Variants in MIDN observed in about 807,000 individuals in gnomAD.
MIDN encodes midbrain nucleolar protein.
In MIDN, 26 loss-of-function variants were observed where a neutral mutation model predicts 46.1. The observed-to-expected ratio is 0.56, with a 90% confidence interval of 0.41 to 0.78. The LOEUF is 0.78. MIDN is among the 30% of genes least tolerant of loss of function. The pLI is 0.00. For missense variants in MIDN, 850 were observed against 771.8 expected, an observed-to-expected ratio of 1.10 and a Z score of -1.20; for synonymous variants, 432 against 343.3, an observed-to-expected ratio of 1.26 and a Z score of -2.86.
rs1217303196 is a variant in MIDN at position 1,257,389 on chromosome 19, A to G, written c.*117A>G. On this transcript the variant is annotated 3_prime_UTR_variant, in exon 9 of 9. Transcript: ENST00000682408. Reference sequence around the variant, plus strand: ...AGGGCAGGCGGCCACTCCCCCAGCCAGAAGTCTTTTTTTCTTTTCTTCTTT... The same window carrying G: ...AGGGCAGGCGGCCACTCCCCCAGCCGGAAGTCTTTTTTTCTTTTCTTCTTT... 5.3e-6 allele frequency: 4 copies of G among 755,816 alleles called. No individual in the cohort carries two copies. Among genetic ancestry groups the G allele is most frequent in the Non-Finnish European group, 8.8e-6 (4 of 455,012 alleles). 46.8% of individuals were successfully genotyped at this position (755,816 alleles called of 1,614,324 possible).
At chr19:1,255,844 G>A (rs572661468) in intron 8 of MIDN, 150 bp downstream of exon 8, 25 of 749,682 alleles carry the variant, frequency 3.3e-5, no homozygotes, top group South Asian at 1.4e-4. Flanking sequence ...GCTCCAGCCC[G>A]GAGAGAAGGC....
At chr19:1,254,857 C>G (rs1004705112) in intron 6 of MIDN, 45 bp from the exon 7 acceptor site, 29 of 1,559,386 alleles carry the variant, frequency 1.9e-5, no homozygotes, top group Non-Finnish European at 2.5e-5. Context: ...GCTGGTGATC[C>G]CCTGATCCTG....
intron 3 of MIDN, 32 bp from the exon 4 acceptor site, chr19:1,251,807 C>A: frequency 6.2e-7 from 1 of 1,604,600 alleles, no homozygotes; most frequent in Non-Finnish European, 8.5e-7. Flanking sequence ...TCCGACCCCA[C>A]ACTCAGGCCC....
At chr19:1,255,810 G>A (rs902209075) in intron 8 of MIDN, 116 bp downstream of exon 8, 9 of 1,005,798 alleles carry the variant, frequency 8.9e-6, no homozygotes, top group Non-Finnish European at 1.3e-5. Flanking sequence ...TGGGGGGGAT[G>A]GCAGCTGCCG....
chr19:1,251,322 A>G, intron 2 of MIDN: 1 of 528,872 alleles, frequency 1.9e-6, no homozygotes, highest in Non-Finnish European at 3.3e-6. Context: ...AGGGGGTGCC[A>G]GAGTCCAGGG....
At position 1,257,632 on chromosome 19, in the gene MIDN, A is replaced by T. The variant is rs2081217044; in HGVS notation, c.*360A>T. On this transcript the variant is annotated 3_prime_UTR_variant, in exon 9 of 9. Coordinates refer to ENST00000682408, the MANE Select transcript of MIDN (RefSeq NM_001388306.1). The stretch of plus-strand genomic sequence containing the variant: ...CAGTCTCTCTGGATGGCGGAGAGTG[A>T]AGGAGACGGAGAAACGCGCCCCATC... 1 of 241,124 alleles carries T rather than the reference A, an allele frequency of 4.1e-6. No individual in the cohort carries two copies. The highest frequency in any genetic ancestry group is 8.0e-6 in the Non-Finnish European group (1 of 124,620). 14.9% of individuals were successfully genotyped at this position (241,124 alleles called of 1,614,324 possible).
rs1257225535 is a variant in MIDN, at chr19:1,248,868, A to C, written c.-408+208A>C. Reference sequence around the variant, plus strand: ...CAGCCCCCGCCCCGCCCCCCGGGGCACTCCCCCTTCACCGCGGGTGACCTT... The same window carrying C: ...CAGCCCCCGCCCCGCCCCCCGGGGCCCTCCCCCTTCACCGCGGGTGACCTT... On this transcript the variant is annotated intron_variant, in intron 1 of 8. Coordinates refer to ENST00000682408, the MANE Select transcript of MIDN (RefSeq NM_001388306.1). 2.0e-5 allele frequency among the ~76,000 whole-genome samples: 3 copies of C among 149,380 alleles called. No homozygotes were observed. The East Asian group carries it at 6.1e-4, about 30-fold the overall frequency.
chr19:1,250,764 TG>T (rs1053359164), intron 2 of MIDN, among the ~76,000 whole-genome samples: 2 of 151,348 alleles, frequency 1.3e-5, no homozygotes, highest in African/African-American at 4.8e-5. Flanking sequence ...CGGCCCCCCT[TG>T]GGGGCGGGCA....
intron 1 of MIDN, among the ~76,000 whole-genome samples, chr19:1,249,536 C>A (rs971097639): frequency 6.7e-6 from 1 of 149,616 alleles, no homozygotes; most frequent in Admixed American, 6.6e-5. Flanking sequence ...GACCTGGGTC[C>A]CGCGCCCCCC....
chr19:1,251,800 G>C (rs200381348), intron 3 of MIDN, 39 bp from the exon 4 acceptor site: 4 of 1,596,926 alleles, frequency 2.5e-6, no homozygotes, highest in Middle Eastern at 1.7e-4. Flanking sequence ...CCAGGATTCC[G>C]ACCCCACACT....
At chr19:1,250,620 C>A (rs1408569596) in intron 2 of MIDN, 91 bp downstream of exon 2, 5 of 669,338 alleles carry the variant, frequency 7.5e-6, no homozygotes, top group African/African-American at 5.9e-5. Context: ...AGGCAGGGGG[C>A]GGCCAGACAG....
At chr19:1,253,092 T>C (rs1169445826) in intron 4 of MIDN, among the ~76,000 whole-genome samples, 1 of 151,544 alleles carries the variant, frequency 6.6e-6, no homozygotes, top group East Asian at 1.9e-4. Flanking sequence ...GTTGCTTCCC[T>C]GCCTGGCACC....
rs569303839 is a variant in MIDN at position 1,254,791 on chromosome 19, G to A, written c.826-111G>A. 3.1e-6 allele frequency: 4 copies of A among 1,275,364 alleles called. No individual in the cohort carries two copies. The Admixed American group carries it at 8.7e-5, about 28-fold the overall frequency. 79.0% of individuals were successfully genotyped at this position (1,275,364 alleles called of 1,614,324 possible). ...TTGGGCTAGTTTATCTCTAAACCCT[G>A]TGTTGACAGGTCATCTCCTGACCTG... On this transcript the variant is annotated intron_variant, in intron 6 of 8. Coordinates refer to ENST00000682408, the MANE Select transcript of MIDN (RefSeq NM_001388306.1).
At chr19:1,250,961 TC>T (rs1300309294) in intron 2 of MIDN, among the ~76,000 whole-genome samples, 2 of 149,542 alleles carry the variant, frequency 1.3e-5, no homozygotes, top group Non-Finnish European at 3.0e-5. Context: ...CAGCCTCCCC[TC>T]CCCCCTGGTA....
Position 1,257,321 on chromosome 19 carries a change from C to CG in MIDN, c.*53dup. ...CCCCTCGCACCCCAGCCCAGGGCGG[C>CG]GGGGACTCCGAGAGCCCCGGAGAGA... On this transcript the variant is annotated 3_prime_UTR_variant, in exon 9 of 9. Coordinates refer to ENST00000682408, the MANE Select transcript of MIDN (RefSeq NM_001388306.1). The CG allele has an allele frequency of 6.5e-7, 1 of 1,546,626 alleles. No individual in the cohort carries two copies. Among genetic ancestry groups the CG allele is most frequent in the Non-Finnish European group, 8.9e-7 (1 of 1,126,316 alleles).
chr19:1,253,898 G>A (rs2081164453), intron 4 of MIDN, 56 bp from the exon 5 acceptor site: 12 of 1,346,644 alleles, frequency 8.9e-6, no homozygotes, highest in South Asian at 6.8e-5. Context: ...TTGCAAGACC[G>A]ACCTAGTTGG....
chr19:1,254,251 G>C lies in MIDN; in HGVS notation c.598G>C (p.Ala200Pro). 2 of 1,591,852 alleles carry C rather than the reference G, an allele frequency of 1.3e-6. No individual in the cohort carries two copies. The highest frequency in any genetic ancestry group is 1.7e-6 in the Non-Finnish European group (2 of 1,175,782). The change falls in exon 6 of 9, where the codon GCG (alanine) becomes CCG (proline). Residue 200 changes from alanine to proline, a missense_variant. Physicochemically the swap from Ala to Pro is conservative, Grantham distance 27. Transcript: ENST00000682408. ...CATGATGTTCGTGCAGCTGCAGCTC[G>C]CGGCCCAGCACGCTCCACTGCAACA... ...DHMMFVQLQLAAQHAPLQHRH... is the reference protein window; with the variant it reads ...DHMMFVQLQLPAQHAPLQHRH...
chr19:1,251,874 A>G lies in MIDN; in HGVS notation c.357A>G (p.Gln119=), dbSNP rs1421786867. The change falls in exon 4 of 9, where the codon CAA becomes CAG. Residue 119 remains glutamine (Q), a synonymous_variant. Transcript: ENST00000682408. ...QASRPEQSVM[Q]ALESLTETQP... ...CAAGGCCGGAACAGTCCGTGATGCAAGCTCTCGAGAGTCTCACGGAGACGC... is the reference window on the plus strand; with the variant it reads ...CAAGGCCGGAACAGTCCGTGATGCAGGCTCTCGAGAGTCTCACGGAGACGC... 2 of 1,613,466 alleles carry G rather than the reference A, an allele frequency of 1.2e-6. No individual in the cohort carries two copies. Among genetic ancestry groups the G allele is most frequent in the South Asian group, 1.1e-5 (1 of 91,078 alleles).
chr19:1,252,656 C>T (rs2081146196), intron 4 of MIDN, among the ~76,000 whole-genome samples: 1 of 152,228 alleles, frequency 6.6e-6, no homozygotes, highest in Admixed American at 6.5e-5. Context: ...CAGCAATCCG[C>T]CCGCTGCCAG....
Sources: allele counts gnomAD v4.1 joint callset (sites outside exome capture counted in the v4.1 genomes callset), GRCh38; gene constraint gnomAD v4.1.1; transcripts MANE v1.5; gene names NCBI Gene and HGNC (gene_info 2026-07-23, HGNC 2026-07-21).